OSBPL3: variants seen among roughly 807,000 people sequenced by gnomAD.
The protein encoded by OSBPL3 is oxysterol binding protein like 3, also known as oxysterol-binding protein-related protein 3.
OSBPL3 carries 65 observed loss-of-function variants against 120.1 expected under a neutral mutation model. The observed-to-expected ratio is 0.54, with a 90% CI of 0.44 to 0.67. The LOEUF (loss-of-function observed/expected upper bound fraction) is 0.67. Ranked by LOEUF, OSBPL3 falls within the 30% of genes least tolerant of loss-of-function variation. The probability of loss-of-function intolerance (pLI) is 0.00; values close to 1 mark genes in which losing one functional copy is unlikely to be tolerated. For missense variants in OSBPL3, 1,004 were observed against 1,082.1 expected (o/e 0.93, Z 1.01); for synonymous variants, 416 against 402.6 (o/e 1.03, Z -0.40).
chr7:24,932,833 T>C lies in OSBPL3; in HGVS notation c.-149-40212A>G, dbSNP rs1039588690. 6.6e-6 allele frequency among the ~76,000 whole-genome samples: 1 copy of C among 152,230 alleles called. No individual in the cohort carries two copies. Among genetic ancestry groups the C allele is most frequent in the Non-Finnish European group, 1.5e-5 (1 of 68,042 alleles). ...GCCTTATATTCAAGCATTTGAAATGTTGGGCATTCAGGAACGATCTTTCTA... is the reference window on the plus strand; with the variant it reads ...GCCTTATATTCAAGCATTTGAAATGCTGGGCATTCAGGAACGATCTTTCTA... On this transcript the variant is annotated intron_variant, in intron 1 of 22. Coordinates refer to ENST00000313367, the MANE Select transcript of OSBPL3 (RefSeq NM_015550.4). This position sits in a 1 kb window ranked among gnomAD's most constrained non-coding sequence, Gnocchi z 5.6.
chr7:24,825,236 TGAGCTAGGTGACCA>T (rs759189911), intron 16 of OSBPL3, among the ~76,000 whole-genome samples: 3 of 152,180 alleles, frequency 2.0e-5, no homozygotes, highest in Non-Finnish European at 4.4e-5. Flanking sequence ...TTTAGTGGCC[TGAGCTAGGTGACCA>T]GCATCACATG....
Position 24,918,250 on chromosome 7 carries a change from C to G in OSBPL3, c.-149-25629G>C, listed in dbSNP as rs1156481270. Among the ~76,000 whole-genome samples the G allele has an allele frequency of 6.6e-6, 1 of 152,180 alleles. No homozygotes were observed. Among genetic ancestry groups the G allele is most frequent in the African/African-American group, 2.4e-5 (1 of 41,440 alleles). On this transcript the variant is annotated intron_variant, in intron 1 of 22. Transcript: ENST00000313367. The surrounding 1 kb of genome is among the most constrained non-coding windows in gnomAD (Gnocchi z 4.3). ...GCAATGTTCAGAAGCTGGCAGTGTG[C>G]TTTCCTACTTGACCCTATCCTCCCT...
In OSBPL3 at chr7:24,821,359, G is replaced by T. The variant is rs573618717; in HGVS notation, c.1885-1121C>A. On this transcript the variant is annotated intron_variant, in intron 16 of 22. Coordinates refer to ENST00000313367, the MANE Select transcript of OSBPL3 (RefSeq NM_015550.4). The surrounding 1 kb of genome is among the most constrained non-coding windows in gnomAD (Gnocchi z 5.5). ...AAAAAGAAGAAAAAAAATGTTTTAAGCAGCTGTACAGTTTTCAGACCCGTC... is the reference window on the plus strand; with the variant it reads ...AAAAAGAAGAAAAAAAATGTTTTAATCAGCTGTACAGTTTTCAGACCCGTC... Among the ~76,000 whole-genome samples the T allele has an allele frequency of 1.6e-3, 243 of 152,312 alleles. No homozygotes were observed. The highest frequency in any genetic ancestry group is 5.6e-3 in the African/African-American group (231 of 41,566).
At chr7:24,957,222 CAA>C (rs77386142) in intron 1 of OSBPL3, among the ~76,000 whole-genome samples, 2 of 114,068 alleles carry the variant, frequency 1.8e-5, no homozygotes. Flanking sequence ...GCAGAACAGA[CAA>C]AAAAAAAAAA....
At position 24,932,774 on chromosome 7, in the gene OSBPL3, C is replaced by G. The variant is rs1047429391; in HGVS notation, c.-149-40153G>C. ...GTTTATGCTATTTTGTTAGAGCAGC[C>G]CAAATGGACTAAGACAGGGGCAAAG... is the stretch of plus-strand genomic sequence containing the variant. On this transcript the variant is annotated intron_variant, in intron 1 of 22. Coordinates refer to ENST00000313367, the MANE Select transcript of OSBPL3 (RefSeq NM_015550.4). The surrounding 1 kb of genome is among the most constrained non-coding windows in gnomAD (Gnocchi z 5.6). Among the ~76,000 whole-genome samples the G allele has an allele frequency of 6.6e-6, 1 of 152,156 alleles. No homozygotes were observed. Among genetic ancestry groups the G allele is most frequent in the Non-Finnish European group, 1.5e-5 (1 of 68,014 alleles).
At position 24,815,952 on chromosome 7, in the gene OSBPL3, T is replaced by C. The variant is rs1794413815; in HGVS notation, c.2027+658A>G. Among the ~76,000 whole-genome samples, 1 of 152,166 alleles carries C rather than the reference T, an allele frequency of 6.6e-6. No individual in the cohort carries two copies. The highest frequency in any genetic ancestry group is 1.5e-5 in the Non-Finnish European group (1 of 68,020). On this transcript the variant is annotated intron_variant, in intron 18 of 22. Transcript: ENST00000313367. This position sits in a 1 kb window ranked among gnomAD's most constrained non-coding sequence, Gnocchi z 5.1. ...TTGCTTTATAAATAAGTATCAATCA[T>C]CCCTATCAGATCAAGGCCATACTTT...
intron 1 of OSBPL3, among the ~76,000 whole-genome samples, chr7:24,979,299 A>G (rs1338523459): frequency 6.6e-6 from 1 of 151,768 alleles, no homozygotes; most frequent in Non-Finnish European, 1.5e-5. Context: ...CAAAAAAAAA[A>G]AATTCCAGAA....
chr7:24,926,455 C>T (rs559669625), intron 1 of OSBPL3, among the ~76,000 whole-genome samples: 1 of 152,274 alleles, frequency 6.6e-6, no homozygotes, highest in African/African-American at 2.4e-5. Flanking sequence ...GAAATGCATA[C>T]GATTGAGGAC....
intron 1 of OSBPL3, among the ~76,000 whole-genome samples, chr7:24,977,994 T>C (rs773813013): frequency 3.3e-5 from 5 of 152,244 alleles, no homozygotes; most frequent in Non-Finnish European, 7.3e-5. Context: ...TAGCTTTTGA[T>C]ACAAATAAAG....
rs141663699 is a variant in OSBPL3 at position 24,865,272 on chromosome 7, T to A, written c.673+70A>T. The A allele has an allele frequency of 5.5e-4, 840 of 1,515,828 alleles. 5 individuals carry two copies. The African/African-American group carries it at 0.011, about 19-fold the overall frequency. The allele number at this position is 1,515,828 out of a possible 1,614,324, so 93.9% of individuals were successfully genotyped here. A position where few individuals can be genotyped will look rare whatever the true frequency, so the allele number is the denominator to read the frequency against. ...CATAGGGGAAGGACACAAATGAATC[T>A]GAAGTGTAAACATCAAACCAGTATC... On this transcript the variant is annotated intron_variant, in intron 7 of 22. Coordinates refer to ENST00000313367, the MANE Select transcript of OSBPL3 (RefSeq NM_015550.4).
chr7:24,917,401 C>CATACATAT (rs370274395), intron 1 of OSBPL3, among the ~76,000 whole-genome samples: 8 of 100,048 alleles, frequency 8.0e-5, no homozygotes, highest in African/African-American at 2.7e-4. Context: ...ATATTTGTAA[C>CATACATAT]ATATATATAT....
In OSBPL3 at chr7:24,932,115, T is replaced by C. The variant is rs1811861830; in HGVS notation, c.-149-39494A>G. Among the ~76,000 whole-genome samples the C allele has an allele frequency of 6.6e-6, 1 of 152,212 alleles. No homozygotes were observed. Among genetic ancestry groups the C allele is most frequent in the African/African-American group, 2.4e-5 (1 of 41,452 alleles). On this transcript the variant is annotated intron_variant, in intron 1 of 22. Transcript: ENST00000313367. This position sits in a 1 kb window ranked among gnomAD's most constrained non-coding sequence, Gnocchi z 5.6. ...GACTGGTTCAAACCAGTGGTCAGTT[T>C]TCCCATAAACCAGTTCCCATAAACC...
intron 1 of OSBPL3, 138 bp downstream of exon 1, chr7:24,979,748 G>T: frequency 2.8e-6 from 1 of 359,498 alleles, no homozygotes; most frequent in Non-Finnish European, 3.9e-6. Flanking sequence ...CAGGGCCGGA[G>T]CCTCCCCGGG....
chr7:24,963,634 T>G (rs1238579118), intron 1 of OSBPL3, among the ~76,000 whole-genome samples: 1 of 152,178 alleles, frequency 6.6e-6, no homozygotes, highest in Non-Finnish European at 1.5e-5. Flanking sequence ...CAGCATAGCA[T>G]GGAGTGGTAA....
intron 10 of OSBPL3, 73 bp downstream of exon 10, chr7:24,861,540 A>T: frequency 1.0e-6 from 1 of 996,562 alleles, no homozygotes; most frequent in Non-Finnish European, 1.5e-6. Context: ...TACTCTCTCT[A>T]AGGACATCTC....
rs1323883952 is a variant in OSBPL3 at position 24,852,063 on chromosome 7, T to A, written c.1158+441A>T. 6.6e-6 allele frequency among the ~76,000 whole-genome samples: 1 copy of A among 152,154 alleles called. No individual in the cohort carries two copies. Among genetic ancestry groups the A allele is most frequent in the Non-Finnish European group, 1.5e-5 (1 of 68,028 alleles). Reference sequence around the variant, plus strand: ...GGTAAACAGGATCAGTGCTTTGCAATAGGGAAGATAAGAGCATGAATTGGA... The same window carrying A: ...GGTAAACAGGATCAGTGCTTTGCAAAAGGGAAGATAAGAGCATGAATTGGA... On this transcript the variant is annotated intron_variant, in intron 11 of 22. Transcript: ENST00000313367. The surrounding 1 kb of genome is among the most constrained non-coding windows in gnomAD (Gnocchi z 4.1).
chr7:24,858,278 G>A (rs1027379325), intron 10 of OSBPL3, among the ~76,000 whole-genome samples: 1 of 152,226 alleles, frequency 6.6e-6, no homozygotes. Context: ...CTTTAGTTCA[G>A]CTGCTTTGGA....
chr7:24,808,520 T>C lies in OSBPL3; in HGVS notation c.2317+1287A>G, dbSNP rs911435024. Among the ~76,000 whole-genome samples, 1 of 152,204 alleles carries C rather than the reference T, an allele frequency of 6.6e-6. No individual in the cohort carries two copies. Among genetic ancestry groups the C allele is most frequent in the Non-Finnish European group, 1.5e-5 (1 of 68,024 alleles). On this transcript the variant is annotated intron_variant, in intron 20 of 22. Coordinates refer to ENST00000313367, the MANE Select transcript of OSBPL3 (RefSeq NM_015550.4). The surrounding 1 kb of genome is among the most constrained non-coding windows in gnomAD (Gnocchi z 4.6). ...AAGCAAAGGAGACAGACTGTGCCAT[T>C]TGCAAAATCTCATGCTTGCCTCTGA...
At position 24,855,013 on chromosome 7, in the gene OSBPL3, A is replaced by G. The variant is rs910336792; in HGVS notation, c.1028-2379T>C. ...TGGCAGCAGCTCTAGATGATGCTTTACTCTTTTGCCAGGAAAATGCTTGTA... is the reference window on the plus strand; with the variant it reads ...TGGCAGCAGCTCTAGATGATGCTTTGCTCTTTTGCCAGGAAAATGCTTGTA... On this transcript the variant is annotated intron_variant, in intron 10 of 22. Transcript: ENST00000313367. This position sits in a 1 kb window ranked among gnomAD's most constrained non-coding sequence, Gnocchi z 4.3. 2.0e-5 allele frequency among the ~76,000 whole-genome samples: 3 copies of G among 152,152 alleles called. No individual in the cohort carries two copies. Among genetic ancestry groups the G allele is most frequent in the Non-Finnish European group, 4.4e-5 (3 of 68,024 alleles).
Sources: gnomAD v4.1 joint callset for allele counts (sites outside exome capture counted in the v4.1 genomes callset) on GRCh38, gnomAD v4.1.1 for gene constraint, Gnocchi (gnomAD v3.1) non-coding constraint, MANE v1.5 for transcripts, NCBI Gene and HGNC (gene_info 2026-07-23, HGNC 2026-07-21) for gene names.